The following AKT3 variants were observed in gnomAD, a reference collection of about 807,000 sequenced individuals.
The protein encoded by AKT3 is AKT serine/threonine kinase 3.
AKT3 carries 15 observed loss-of-function variants against 65.3 expected under a neutral mutation model. The observed-to-expected ratio is 0.23, with a 90% CI of 0.15 to 0.35. The LOEUF is 0.35. AKT3 is among the 10% of genes least tolerant of loss of function. The pLI is 1.00. For missense variants in AKT3, 243 were observed against 576.5 expected, an observed-to-expected ratio of 0.42 and a Z score of 5.92; for synonymous variants, 206 against 183.8, an observed-to-expected ratio of 1.12 and a Z score of -0.98.
intron 4 of AKT3, among the ~76,000 whole-genome samples, chr1:243,654,804 C>CT (rs1558688208): frequency 6.6e-6 from 1 of 152,040 alleles, no homozygotes; most frequent in East Asian, 1.9e-4. Flanking sequence ...TTGACATTAT[C>CT]TTTTGGTCTA....
chr1:243,695,109 T>C (rs1684977840), intron 3 of AKT3, among the ~76,000 whole-genome samples: 2 of 151,968 alleles, frequency 1.3e-5, no homozygotes, highest in South Asian at 4.1e-4. Flanking sequence ...TTTAAACATT[T>C]TTGTTAGATA....
At chr1:243,696,072 T>A (rs1685042918) in intron 2 of AKT3, among the ~76,000 whole-genome samples, 1 of 151,796 alleles carries the variant, frequency 6.6e-6, no homozygotes, top group African/African-American at 2.4e-5. Context: ...CCACACAGTA[T>A]CAATGAATTT....
chr1:243,591,944 A>G (rs944171329), intron 8 of AKT3, among the ~76,000 whole-genome samples: 6 of 152,328 alleles, frequency 3.9e-5, no homozygotes, highest in Admixed American at 2.6e-4. Context: ...CTCAGGATGG[A>G]ACAAGAGAAA....
At chr1:243,592,321 C>T (rs1452251171) in intron 8 of AKT3, among the ~76,000 whole-genome samples, 2 of 150,566 alleles carry the variant, frequency 1.3e-5, no homozygotes, top group African/African-American at 2.4e-5. Context: ...GGCGACAGAG[C>T]GAGACTCCGT....
chr1:243,546,908 T>A (rs1244353229), intron 11 of AKT3: 1 of 152,240 alleles, frequency 6.6e-6, no homozygotes, highest in African/African-American at 2.4e-5. Context: ...TTTTTGTTTA[T>A]GTTAAAGTCA....
At chr1:243,603,107 G>C (rs1677139455) in intron 8 of AKT3, among the ~76,000 whole-genome samples, 1 of 152,108 alleles carries the variant, frequency 6.6e-6, no homozygotes, top group South Asian at 2.1e-4. Flanking sequence ...AATAAAAAGA[G>C]AGCTGCCTGG....
chr1:243,777,814 A>G (rs1390520348), intron 2 of AKT3, among the ~76,000 whole-genome samples: 20 of 152,314 alleles, frequency 1.3e-4, no homozygotes, highest in Admixed American at 1.3e-3. Flanking sequence ...CCTCGTTCAA[A>G]AGCATTAAAG....
At chr1:243,576,401 G>T (rs1406890120) in intron 8 of AKT3, among the ~76,000 whole-genome samples, 1 of 152,038 alleles carries the variant, frequency 6.6e-6, no homozygotes, top group Non-Finnish European at 1.5e-5. Context: ...TCAGGCAAGA[G>T]AAAAAAATAA....
Position 243,804,634 on chromosome 1 carries a change from C to T in AKT3, c.46+38491G>A, listed in dbSNP as rs1044779132. On this transcript the variant is annotated intron_variant, in intron 2 of 13. Transcript: ENST00000673466. ...GGCCGAGGCGGATGGATCACGAGGTCAGAAGATCGAGACCATCCTGGCTAA... is the reference window on the plus strand; with the variant it reads ...GGCCGAGGCGGATGGATCACGAGGTTAGAAGATCGAGACCATCCTGGCTAA... Among the ~76,000 whole-genome samples the T allele has an allele frequency of 3.9e-5, 6 of 152,130 alleles. No homozygotes were observed. The East Asian group carries it at 1.2e-3, about 29-fold the overall frequency.
chr1:243,646,354 T>A (rs200007019), intron 4 of AKT3, among the ~76,000 whole-genome samples: 2 of 151,402 alleles, frequency 1.3e-5, no homozygotes, highest in East Asian at 3.9e-4. Flanking sequence ...TACATATATA[T>A]ATCCTACTTT....
chr1:243,655,614 A>C (rs900668655), intron 4 of AKT3, among the ~76,000 whole-genome samples: 2 of 152,180 alleles, frequency 1.3e-5, no homozygotes, highest in African/African-American at 4.8e-5. Flanking sequence ...AGCTCCTAGA[A>C]AACTAGCAAA....
intron 2 of AKT3, among the ~76,000 whole-genome samples, chr1:243,737,124 C>G (rs1451284736): frequency 6.6e-6 from 1 of 152,116 alleles, no homozygotes; most frequent in Non-Finnish European, 1.5e-5. Flanking sequence ...CCAGGCAACT[C>G]TTACTCTACC....
chr1:243,509,711 T>C (rs1669902604), intron 13 of AKT3, among the ~76,000 whole-genome samples: 1 of 152,034 alleles, frequency 6.6e-6, no homozygotes, highest in Non-Finnish European at 1.5e-5. Context: ...AGTAACACTA[T>C]GGACTAGCCA....
chr1:243,712,142 A>C (rs187304405), intron 2 of AKT3, among the ~76,000 whole-genome samples: 2 of 152,338 alleles, frequency 1.3e-5, no homozygotes, highest in African/African-American at 4.8e-5. Context: ...TGAAACTGTA[A>C]ATACATGGAC....
intron 2 of AKT3, among the ~76,000 whole-genome samples, chr1:243,737,117 G>A (rs1687888718): frequency 2.6e-5 from 4 of 152,114 alleles, no homozygotes; most frequent in South Asian, 2.1e-4. Context: ...CAGTGTACCA[G>A]GCAACTCTTA....
At chr1:243,751,503 A>G (rs1370471547) in intron 2 of AKT3, among the ~76,000 whole-genome samples, 1 of 152,144 alleles carries the variant, frequency 6.6e-6, no homozygotes, top group Non-Finnish European at 1.5e-5. Context: ...CTTTTAAAAT[A>G]AATTCTTCAT....
At chr1:243,537,341 CCATTTT>C (rs982820214) in intron 12 of AKT3, among the ~76,000 whole-genome samples, 42 of 152,102 alleles carry the variant, frequency 2.8e-4, no homozygotes, top group African/African-American at 9.4e-4. Context: ...ATATTTATTT[CCATTTT>C]AACTCCCAGA....
At chr1:243,488,897 C>A in intron 13 of AKT3, 1 of 1,475,596 alleles carries the variant, frequency 6.8e-7, no homozygotes, top group South Asian at 1.2e-5. Context: ...TCAGGGTCAC[C>A]CTAGGCGTCC....
chr1:243,813,545 A>G (rs1024110827), intron 2 of AKT3, among the ~76,000 whole-genome samples: 1 of 152,118 alleles, frequency 6.6e-6, no homozygotes, highest in African/African-American at 2.4e-5. Context: ...GTGTCATAGA[A>G]AGCAATATAA....
Sources: gnomAD v4.1 joint callset for allele counts (sites outside exome capture counted in the v4.1 genomes callset) on GRCh38, gnomAD v4.1.1 for gene constraint, MANE v1.5 for transcripts, NCBI Gene and HGNC (gene_info 2026-07-23, HGNC 2026-07-21) for gene names.